The following FHIT variants were observed in gnomAD, a reference collection of about 807,000 sequenced individuals.
FHIT encodes the protein fragile histidine triad diadenosine triphosphatase.
A neutral mutation model predicts 17.9 loss-of-function variants in FHIT; 19 were observed. That is an observed-to-expected ratio of 1.06 (90% CI 0.74 to 1.56). The LOEUF (loss-of-function observed/expected upper bound fraction) is 1.56. Ranked by LOEUF, FHIT falls within the 40% of genes most tolerant of loss-of-function variation. The probability of loss-of-function intolerance (pLI) is 0.00; values close to 1 mark genes in which losing one functional copy is unlikely to be tolerated. For missense variants in FHIT, 248 were observed against 189.2 expected (o/e 1.31, Z -1.82); for synonymous variants, 81 against 69.7 (o/e 1.16, Z -0.81).
At chr3:60,561,198 A>T (rs1179859243) in intron 4 of FHIT, among the ~76,000 whole-genome samples, 1 of 152,052 alleles carries the variant, frequency 6.6e-6, no homozygotes. Flanking sequence ...TAGAAATTAC[A>T]CATCAAATTA....
chr3:60,116,334 C>T (rs557690731), intron 5 of FHIT, among the ~76,000 whole-genome samples: 29 of 152,242 alleles, frequency 1.9e-4, no homozygotes, highest in African/African-American at 6.5e-4. Flanking sequence ...TATGAAAAAG[C>T]TGGAGCCCCA....
chr3:60,549,793 T>C (rs1048749788), intron 4 of FHIT, among the ~76,000 whole-genome samples: 7 of 152,214 alleles, frequency 4.6e-5, no homozygotes, highest in African/African-American at 1.7e-4. Context: ...AACACTGTTC[T>C]CTTCGTTAAA....
intron 3 of FHIT, among the ~76,000 whole-genome samples, chr3:60,906,110 A>C (rs1706400246): frequency 6.6e-6 from 1 of 152,240 alleles, no homozygotes; most frequent in Non-Finnish European, 1.5e-5. Context: ...AATTCAAATA[A>C]TTTCTGAAGA....
intron 2 of FHIT, among the ~76,000 whole-genome samples, chr3:61,062,785 G>GA (rs2034472690): frequency 6.6e-6 from 1 of 151,940 alleles, no homozygotes; most frequent in Non-Finnish European, 1.5e-5. Flanking sequence ...TAAAGGAACA[G>GA]AAAAAAAATT....
chr3:60,861,179 T>TATATCATATCATATC (rs1703812629), intron 3 of FHIT, among the ~76,000 whole-genome samples: 1 of 21,144 alleles, frequency 4.7e-5, no homozygotes, highest in African/African-American at 1.2e-4. Context: ...TGTTCTATGA[T>TATATCATATCATATC]ATATATGATA....
At chr3:61,138,711 G>A (rs575580520) in intron 2 of FHIT, among the ~76,000 whole-genome samples, 7 of 152,170 alleles carry the variant, frequency 4.6e-5, no homozygotes, top group Non-Finnish European at 1.0e-4. Flanking sequence ...TGGCTCTGGG[G>A]CCAACCCTCA....
intron 2 of FHIT, among the ~76,000 whole-genome samples, chr3:61,146,925 C>A (rs766635206): frequency 6.6e-6 from 1 of 151,976 alleles, no homozygotes; most frequent in Non-Finnish European, 1.5e-5. Flanking sequence ...ATTAATATTG[C>A]CCACTTTTAT....
At chr3:60,301,193 A>T (rs1708446814) in intron 5 of FHIT, among the ~76,000 whole-genome samples, 1 of 152,156 alleles carries the variant, frequency 6.6e-6, no homozygotes, top group Non-Finnish European at 1.5e-5. Context: ...CTTTATAGTC[A>T]ACAAGTAAAT....
intron 3 of FHIT, among the ~76,000 whole-genome samples, chr3:60,837,149 A>G (rs1702567954): frequency 6.6e-6 from 1 of 152,142 alleles, no homozygotes; most frequent in South Asian, 2.1e-4. Context: ...AAGAAGGCAC[A>G]GTAATTAGAT....
At chr3:60,696,613 C>T (rs1553700692) in intron 4 of FHIT, among the ~76,000 whole-genome samples, 2 of 152,252 alleles carry the variant, frequency 1.3e-5, no homozygotes, top group African/African-American at 2.4e-5. Flanking sequence ...CAGCAGAACA[C>T]GGTGCCATCC....
At chr3:60,744,258 C>CAAAAAAAAAAAAA (rs371224955) in intron 4 of FHIT, among the ~76,000 whole-genome samples, 8 of 95,632 alleles carry the variant, frequency 8.4e-5, no homozygotes, top group African/African-American at 2.1e-4. Context: ...AAAAAAAAAA[C>CAAAAAAAAAAAAA]AAAACAAAAC....
At chr3:61,191,607 C>T (rs1276436062) in intron 2 of FHIT, among the ~76,000 whole-genome samples, 2 of 152,142 alleles carry the variant, frequency 1.3e-5, no homozygotes, top group Admixed American at 1.3e-4. Flanking sequence ...GGCCTCCCTC[C>T]ATAAAGCTAT....
At chr3:60,869,854 A>T (rs986483152) in intron 3 of FHIT, among the ~76,000 whole-genome samples, 1 of 152,026 alleles carries the variant, frequency 6.6e-6, no homozygotes, top group African/African-American at 2.4e-5. Flanking sequence ...TCAAATATTC[A>T]TGTCTGACAC....
chr3:60,173,915 A>ATATATATATATATATATATTTTTTTT lies in FHIT; in HGVS notation c.104-159764_104-159763insAAAAAAAATATATATATATATATATA. Among the ~76,000 whole-genome samples, 116 of 66,354 alleles carry ATATATATATATATATATATTTTTTTT rather than the reference A, an allele frequency of 1.7e-3. 5 individuals are homozygous for ATATATATATATATATATATTTTTTTT. Among genetic ancestry groups the ATATATATATATATATATATTTTTTTT allele is most frequent in the East Asian group, 4.0e-3 (5 of 1,254 alleles). 43.5% of individuals were successfully genotyped at this position (66,354 alleles called of 152,430 possible). A position where few individuals can be genotyped will look rare whatever the true frequency, so the allele number is the denominator to read the frequency against. ...TATATATATATATATATATATATAT[A>ATATATATATATATATATATTTTTTTT]TGTTTTTTTTTTTTTTTGAGATCGA... On this transcript the variant is annotated intron_variant, in intron 5 of 9. Coordinates refer to ENST00000492590, the MANE Select transcript of FHIT (RefSeq NM_002012.4).
At chr3:59,997,886 T>A (rs1239767160) in intron 7 of FHIT, among the ~76,000 whole-genome samples, 1 of 152,166 alleles carries the variant, frequency 6.6e-6, no homozygotes, top group African/African-American at 2.4e-5. Context: ...GTGGCTATCT[T>A]TTATTTTTTA....
chr3:60,555,251 A>C (rs1331073802), intron 4 of FHIT, among the ~76,000 whole-genome samples: 1 of 152,202 alleles, frequency 6.6e-6, no homozygotes, highest in Non-Finnish European at 1.5e-5. Context: ...AAAGGAAATC[A>C]TAAAAAGTCA....
Position 60,614,835 on chromosome 3 carries a change from T to G in FHIT, c.-17-77856A>C, listed in dbSNP as rs868925075. On this transcript the variant is annotated intron_variant, in intron 4 of 9. Coordinates refer to ENST00000492590, the MANE Select transcript of FHIT (RefSeq NM_002012.4). ...TTTTTTTTTTGTTTTTTTTTTGTTT[T>G]TTTTTTGTTTTTTGAGATGGAGCCC... Among the ~76,000 whole-genome samples the G allele has an allele frequency of 4.7e-3, 337 of 72,074 alleles. 24 individuals carry two copies. The highest frequency in any genetic ancestry group is 0.013 in the African/African-American group (329 of 26,140). 47.3% of individuals were successfully genotyped at this position (72,074 alleles called of 152,430 possible). A position where few individuals can be genotyped will look rare whatever the true frequency, so the allele number is the denominator to read the frequency against.
intron 2 of FHIT, among the ~76,000 whole-genome samples, chr3:61,079,396 C>A (rs1251575950): frequency 2.0e-5 from 3 of 151,986 alleles, no homozygotes; most frequent in Admixed American, 6.6e-5. Context: ...AATTTGGATA[C>A]CAGTCTGTTT....
At chr3:60,956,655 G>A (rs1219281351) in intron 3 of FHIT, among the ~76,000 whole-genome samples, 1 of 152,130 alleles carries the variant, frequency 6.6e-6, no homozygotes, top group East Asian at 1.9e-4. Context: ...TGTACATAAG[G>A]AGTTACCAAT....
Sources: allele counts gnomAD v4.1 joint callset (sites outside exome capture counted in the v4.1 genomes callset), GRCh38; gene constraint gnomAD v4.1.1; transcripts MANE v1.5; gene names NCBI Gene and HGNC (gene_info 2026-07-23, HGNC 2026-07-21).